The following DIS3L2 variants were observed in gnomAD, a reference collection of about 807,000 sequenced individuals.
DIS3L2 encodes DIS3-like exonuclease 2.
A neutral mutation model predicts 97.5 loss-of-function variants in DIS3L2; 34 were observed. That is an observed-to-expected ratio of 0.35 (90% confidence interval 0.27 to 0.46). DIS3L2 has a LOEUF of 0.46. DIS3L2 is among the 20% of genes least tolerant of loss of function. DIS3L2 has a pLI of 1.00. For synonymous variants in DIS3L2, 435 were observed against 445.2 expected (o/e 0.98, Z 0.29); for missense variants, 1,038 against 1,146.0 (o/e 0.91, Z 1.36).
chr2:232,050,761 T>C (rs1695379267), intron 5 of DIS3L2, among the ~76,000 whole-genome samples: 1 of 152,240 alleles, frequency 6.6e-6, no homozygotes, highest in South Asian at 2.1e-4. Context: ...GCATGGGTCC[T>C]GGAGATACAA....
intron 14 of DIS3L2, among the ~76,000 whole-genome samples, chr2:232,320,520 G>A (rs758995561): frequency 2.8e-4 from 43 of 152,234 alleles, no homozygotes; most frequent in Non-Finnish European, 2.9e-5. Flanking sequence ...AGAATGTATC[G>A]AGGCAAATGT....
chr2:232,264,750 C>A (rs1207016630), intron 13 of DIS3L2, among the ~76,000 whole-genome samples: 3 of 152,226 alleles, frequency 2.0e-5, no homozygotes, highest in Admixed American at 2.0e-4. Context: ...CTCCCTTTTG[C>A]AACAGACTTG....
At position 232,300,096 on chromosome 2, in the gene DIS3L2, C is replaced by G. The variant is rs1694818061; in HGVS notation, c.1716C>G (p.Ile572Met). 2.5e-6 allele frequency: 4 copies of G among 1,613,842 alleles called. No individual in the cohort carries two copies. Among genetic ancestry groups the G allele is most frequent in the Non-Finnish European group, 3.4e-6 (4 of 1,179,758 alleles). ...HETGLPQGCH[I>M]YEYRESNKLV... The stretch of plus-strand genomic sequence containing the variant: ...CCGGATTGCCTCAAGGATGTCATAT[C>G]TATGAGTACCGCGAGAGCAACAAGT... The change falls in exon 14 of 21, where the codon ATC becomes ATG. Residue 572 changes from isoleucine to methionine, a missense_variant. Transcript: ENST00000325385.
rs9678004 is a variant in DIS3L2, at chr2:232,336,139, A to G, written c.2496+265A>G. The G allele has an allele frequency of 0.083, 127,356 of 1,538,590 alleles. 7,617 individuals are homozygous for G. Among genetic ancestry groups the G allele is most frequent in the African/African-American group, 0.28 (20,716 of 72,880 alleles). On this transcript the variant is annotated intron_variant, in intron 20 of 20. Transcript: ENST00000325385. The stretch of plus-strand genomic sequence containing the variant: ...GCTAATGCAGGGGTGCTGGCCTTCT[A>G]GGGTCCTTTAGAGAACCTGATGAAA...
intron 13 of DIS3L2, among the ~76,000 whole-genome samples, chr2:232,295,056 G>C (rs1694691763): frequency 6.6e-6 from 1 of 152,074 alleles, no homozygotes; most frequent in Non-Finnish European, 1.5e-5. Flanking sequence ...CTTCCTGGCA[G>C]ATATTCAGCT....
chr2:232,119,089 A>G (rs964533252), intron 6 of DIS3L2, among the ~76,000 whole-genome samples: 3 of 152,160 alleles, frequency 2.0e-5, no homozygotes, highest in Non-Finnish European at 4.4e-5. Context: ...TAGGCTGGAT[A>G]TCATTATTGC....
chr2:232,135,156 G>C (rs1437207892), intron 7 of DIS3L2, among the ~76,000 whole-genome samples: 1 of 152,160 alleles, frequency 6.6e-6, no homozygotes, highest in Non-Finnish European at 1.5e-5. Context: ...TGAAGAGATA[G>C]GGAAAGGTGA....
At chr2:232,319,514 G>C (rs925332258) in intron 14 of DIS3L2, among the ~76,000 whole-genome samples, 1 of 152,244 alleles carries the variant, frequency 6.6e-6, no homozygotes, top group East Asian at 1.9e-4. Flanking sequence ...CCCTCCTGGG[G>C]TGTTGGGCAA....
chr2:232,149,239 C>T (rs1381391598), intron 8 of DIS3L2, among the ~76,000 whole-genome samples: 5 of 146,600 alleles, frequency 3.4e-5, no homozygotes, highest in African/African-American at 1.0e-4. Context: ...GGTACATGTG[C>T]ACATTGTGCA....
rs565128943 is a variant in DIS3L2 at position 232,280,680 on chromosome 2, AGGATGTGCAGCTAATGTTTGAT to A, written c.1659+17244_1659+17265del. The stretch of plus-strand genomic sequence containing the variant: ...GAGACCAAGGATTGCTTGCCTGGGA[AGGATGTGCAGCTAATGTTTGAT>A]GGAAATCTGTGAGATGACCAACCTC... On this transcript the variant is annotated intron_variant, in intron 13 of 20. Coordinates refer to ENST00000325385, the MANE Select transcript of DIS3L2 (RefSeq NM_152383.5). Among the ~76,000 whole-genome samples, 327 of 152,326 alleles carry A rather than the reference AGGATGTGCAGCTAATGTTTGAT, an allele frequency of 2.1e-3. 2 individuals carry two copies. Among genetic ancestry groups the A allele is most frequent in the African/African-American group, 7.5e-3 (310 of 41,582 alleles).
At chr2:232,333,339 T>TTTCTTTC (rs1015474398) in intron 16 of DIS3L2, among the ~76,000 whole-genome samples, 2 of 81,024 alleles carry the variant, frequency 2.5e-5, no homozygotes, top group Non-Finnish European at 4.7e-5. Flanking sequence ...CGCCGCTACC[T>TTTCTTTC]TTCTTTCTTC....
intron 13 of DIS3L2, among the ~76,000 whole-genome samples, chr2:232,282,305 T>A (rs555159828): frequency 6.6e-6 from 1 of 152,284 alleles, no homozygotes; most frequent in Non-Finnish European, 1.5e-5. Context: ...AGGAGACCCA[T>A]GGGGTGACCC....
chr2:232,296,826 A>G (rs1694736468), intron 13 of DIS3L2, among the ~76,000 whole-genome samples: 1 of 152,172 alleles, frequency 6.6e-6, no homozygotes, highest in Non-Finnish European at 1.5e-5. Flanking sequence ...TGAGTCCTCC[A>G]TTTAGTAAAC....
chr2:232,227,043 G>C (rs1692670262), intron 10 of DIS3L2, among the ~76,000 whole-genome samples: 1 of 152,056 alleles, frequency 6.6e-6, no homozygotes, highest in African/African-American at 2.4e-5. Context: ...CTGATATATG[G>C]ACAGCTCAGA....
chr2:232,165,685 G>A (rs1481915753), intron 9 of DIS3L2, among the ~76,000 whole-genome samples: 3 of 151,972 alleles, frequency 2.0e-5, no homozygotes, highest in East Asian at 1.9e-4. Flanking sequence ...GACCACACCC[G>A]GCTAATTCTT....
intron 14 of DIS3L2, among the ~76,000 whole-genome samples, chr2:232,307,237 A>C (rs1167148978): frequency 4.5e-4 from 68 of 152,208 alleles, no homozygotes; most frequent in Non-Finnish European, 5.9e-5. Flanking sequence ...CTAATCCACT[A>C]TCTGGCAAAT....
chr2:232,111,367 T>G (rs1342834542), intron 6 of DIS3L2: 1 of 417,962 alleles, frequency 2.4e-6, no homozygotes, highest in Non-Finnish European at 5.0e-6. Flanking sequence ...TAGTGTTTGC[T>G]TCCCTTTTCC....
chr2:232,237,870 T>C (rs1692977417), intron 10 of DIS3L2, among the ~76,000 whole-genome samples: 1 of 152,132 alleles, frequency 6.6e-6, no homozygotes. Flanking sequence ...CAAGCCAACA[T>C]CTAAATGGCT....
chr2:232,100,024 T>C (rs1292019813), intron 6 of DIS3L2, among the ~76,000 whole-genome samples: 2 of 151,896 alleles, frequency 1.3e-5, no homozygotes, highest in African/African-American at 4.8e-5. Context: ...TTTGGTTGTG[T>C]TATTTTTCTC....
Sources: gnomAD v4.1 joint callset for allele counts (sites outside exome capture counted in the v4.1 genomes callset) on GRCh38, gnomAD v4.1.1 for gene constraint, MANE v1.5 for transcripts, NCBI Gene and HGNC (gene_info 2026-07-23, HGNC 2026-07-21) for gene names.